DTNB: variants seen among roughly 807,000 people sequenced by gnomAD.
DTNB encodes the protein dystrobrevin beta, also known as DTN-B.
DTNB carries 63 observed loss-of-function variants against 90.7 expected under a neutral mutation model. The observed-to-expected ratio is 0.69, with a 90% CI of 0.57 to 0.86. DTNB has a LOEUF of 0.86. Ranked by LOEUF, DTNB falls within the 40% of genes least tolerant of loss-of-function variation. DTNB has a pLI of 0.00. For synonymous variants in DTNB, 277 were observed against 286.7 expected, an observed-to-expected ratio of 0.97 and a Z score of 0.34; for missense variants, 744 against 807.1, an observed-to-expected ratio of 0.92 and a Z score of 0.95.
intron 9 of DTNB, among the ~76,000 whole-genome samples, chr2:25,489,401 A>T (rs1262540536): frequency 1.3e-5 from 2 of 152,236 alleles, no homozygotes; most frequent in Non-Finnish European, 2.9e-5. Context: ...AAGAAGAAAA[A>T]TTTAGAAAAA....
At chr2:25,461,032 C>T (rs181856350) in intron 10 of DTNB, among the ~76,000 whole-genome samples, 147 of 151,886 alleles carry the variant, frequency 9.7e-4, no homozygotes, top group African/African-American at 3.4e-3. Context: ...GCCTCCTGAG[C>T]AGCTGGGACT....
chr2:25,639,752 AGAAG>A (rs2077840965), intron 2 of DTNB, among the ~76,000 whole-genome samples: 1 of 152,220 alleles, frequency 6.6e-6, no homozygotes, highest in Non-Finnish European at 1.5e-5. Flanking sequence ...AGAATGCGGC[AGAAG>A]TACAGTGCGG....
At chr2:25,646,630 A>C (rs2079523975) in intron 2 of DTNB, among the ~76,000 whole-genome samples, 1 of 152,216 alleles carries the variant, frequency 6.6e-6, no homozygotes, top group African/African-American at 2.4e-5. Context: ...AAACTCAATC[A>C]ATTTTTAACC....
At chr2:25,470,298 C>T (rs1399241794) in intron 10 of DTNB, among the ~76,000 whole-genome samples, 1 of 151,848 alleles carries the variant, frequency 6.6e-6, no homozygotes, top group African/African-American at 2.4e-5. Context: ...TAAGGAAACC[C>T]TAGGTAAGTG....
intron 18 of DTNB, among the ~76,000 whole-genome samples, chr2:25,384,884 C>CTT (rs781402500): frequency 3.4e-5 from 5 of 146,326 alleles, no homozygotes; most frequent in Non-Finnish European, 6.1e-5. Flanking sequence ...CTTTTCTTTT[C>CTT]TTTTTTTTTT....
At chr2:25,413,841 T>C (rs781473267) in intron 16 of DTNB, among the ~76,000 whole-genome samples, 2 of 152,228 alleles carry the variant, frequency 1.3e-5, no homozygotes, top group African/African-American at 2.4e-5. Flanking sequence ...TATAGATCCT[T>C]GAGGAATTGC....
chr2:25,488,950 C>A lies in DTNB; in HGVS notation c.1002-6077G>T, dbSNP rs551276860. Among the ~76,000 whole-genome samples the A allele has an allele frequency of 2.0e-5, 3 of 152,264 alleles. No individual in the cohort carries two copies. In the East Asian group the frequency reaches 5.8e-4, roughly 29 times the overall value. ...ACAGGCGTGAGCCACCAAGTCTGGC[C>A]GAAAACGTACATTTATATTTATTGT... is the stretch of plus-strand genomic sequence containing the variant. On this transcript the variant is annotated intron_variant, in intron 9 of 20. Transcript: ENST00000406818.
Position 25,433,990 on chromosome 2 carries a change from A to G in DTNB, c.1263T>C (p.Arg421=). The change falls in exon 13 of 21, where the codon CGT becomes CGC. Residue 421 remains arginine (R), a synonymous_variant. Coordinates refer to ENST00000406818, the MANE Select transcript of DTNB (RefSeq NM_021907.5). ...AGTTAAAGCTCAAGTCAGTGGGAGG[A>G]CGAGTCTAAAGTGGGGAAGTCGGGA... ...RLAAEAGNVT[R]PPTDLSFNFD... 2 of 1,612,796 alleles carry G rather than the reference A, an allele frequency of 1.2e-6. No individual in the cohort carries two copies. Among genetic ancestry groups the G allele is most frequent in the Non-Finnish European group, 1.7e-6 (2 of 1,179,696 alleles).
At chr2:25,598,315 A>G (rs2065077361) in intron 5 of DTNB, among the ~76,000 whole-genome samples, 3 of 152,106 alleles carry the variant, frequency 2.0e-5, no homozygotes, top group Admixed American at 2.0e-4. Flanking sequence ...TGGTAGGGGA[A>G]AAAAAAGACA....
At chr2:25,425,029 C>T (rs1241422603) in intron 15 of DTNB, among the ~76,000 whole-genome samples, 4 of 152,162 alleles carry the variant, frequency 2.6e-5, no homozygotes, top group Admixed American at 6.5e-5. Context: ...TAAAGCCCCA[C>T]GAGGCTGCAG....
In DTNB at chr2:25,389,278, G is replaced by A. The variant is rs181126145; in HGVS notation, c.1576-917C>T. ...CTCCAAGGGTGGCAGTGTGCACTCTGCAGGTTGTGACCCCACTTCCTGCAG... is the reference window on the plus strand; with the variant it reads ...CTCCAAGGGTGGCAGTGTGCACTCTACAGGTTGTGACCCCACTTCCTGCAG... On this transcript the variant is annotated intron_variant, in intron 16 of 20. Coordinates refer to ENST00000406818, the MANE Select transcript of DTNB (RefSeq NM_021907.5). Among the ~76,000 whole-genome samples the A allele has an allele frequency of 6.6e-5, 10 of 152,388 alleles. No homozygotes were observed. The East Asian group carries it at 1.7e-3, about 26-fold the overall frequency.
intron 4 of DTNB, among the ~76,000 whole-genome samples, chr2:25,611,205 C>T (rs2068532372): frequency 6.6e-6 from 1 of 152,198 alleles, no homozygotes; most frequent in Non-Finnish European, 1.5e-5. Flanking sequence ...GAATATACTG[C>T]ATTTTATCCA....
chr2:25,466,999 T>C (rs927432350), intron 10 of DTNB, among the ~76,000 whole-genome samples: 1 of 152,210 alleles, frequency 6.6e-6, no homozygotes, highest in Non-Finnish European at 1.5e-5. Context: ...AATTATTTAC[T>C]AATATTATCT....
intron 6 of DTNB, among the ~76,000 whole-genome samples, chr2:25,587,526 A>G (rs1415288800): frequency 6.6e-6 from 1 of 152,218 alleles, no homozygotes; most frequent in Non-Finnish European, 1.5e-5. Flanking sequence ...ACCTGGACCG[A>G]CAGCCCCACA....
In DTNB at chr2:25,616,201, G is replaced by A. The variant is rs185672048; in HGVS notation, c.363-8880C>T. Among the ~76,000 whole-genome samples the A allele has an allele frequency of 2.0e-5, 3 of 152,292 alleles. No individual in the cohort carries two copies. The East Asian group carries it at 5.8e-4, about 29-fold the overall frequency. ...AAGTGTGGCAGAGTCCAGCACACTA[G>A]CAAGAGAGCCAGGTCACACTTGCAA... On this transcript the variant is annotated intron_variant, in intron 4 of 20. Coordinates refer to ENST00000406818, the MANE Select transcript of DTNB (RefSeq NM_021907.5).
chr2:25,478,381 A>T (rs1297501189), intron 10 of DTNB, among the ~76,000 whole-genome samples: 1 of 152,150 alleles, frequency 6.6e-6, no homozygotes. Context: ...GCCTTATGTG[A>T]AGAAGGAAAA....
intron 2 of DTNB, among the ~76,000 whole-genome samples, chr2:25,649,161 C>T (rs755381983): frequency 2.1e-4 from 32 of 152,042 alleles, no homozygotes; most frequent in East Asian, 1.5e-3. Flanking sequence ...CCTGCCAGCA[C>T]GCCCAGCTAA....
chr2:25,439,587 A>G (rs1005759173), intron 12 of DTNB, among the ~76,000 whole-genome samples: 10 of 152,210 alleles, frequency 6.6e-5, no homozygotes, highest in Non-Finnish European at 1.3e-4. Flanking sequence ...TAAAACTTTT[A>G]AAATAAGGTT....
At position 25,432,918 on chromosome 2, in the gene DTNB, G is replaced by T; in HGVS notation, c.1425C>A (p.Asn475Lys). The change falls in exon 14 of 21, where the codon AAC becomes AAA. Residue 475 changes from asparagine (N) to lysine (K), a missense_variant. Physicochemically the swap from Asn to Lys is moderately conservative, Grantham distance 94. Coordinates refer to ENST00000406818, the MANE Select transcript of DTNB (RefSeq NM_021907.5). ...SQPTPEKAQQ[N>K]PTLLAELRLL... The stretch of plus-strand genomic sequence containing the variant: ...GCCGCAGCTCTGCCAGCAGCGTGGG[G>T]TTCTGCTGTGCCTTCTCAGGGGTGG... The T allele has an allele frequency of 6.2e-7, 1 of 1,610,070 alleles. No individual in the cohort carries two copies. The highest frequency in any genetic ancestry group is 8.5e-7 in the Non-Finnish European group (1 of 1,178,972).
Sources: gnomAD v4.1 joint callset for allele counts (sites outside exome capture counted in the v4.1 genomes callset) on GRCh38, gnomAD v4.1.1 for gene constraint, MANE v1.5 for transcripts, NCBI Gene and HGNC (gene_info 2026-07-23, HGNC 2026-07-21) for gene names.